The following NCOR2 variants were observed in gnomAD, a reference collection of about 807,000 sequenced individuals.
The protein encoded by NCOR2 is CTG repeat protein 26.
NCOR2 carries 81 observed loss-of-function variants against 262.9 expected under a neutral mutation model. The ratio of observed to expected loss-of-function variants is 0.31; its 90% confidence interval spans 0.26 to 0.37. The LOEUF is 0.37. Ranked by LOEUF, NCOR2 falls within the 10% of genes least tolerant of loss-of-function variation. The probability of loss-of-function intolerance (pLI) is 1.00; values close to 1 mark genes in which losing one functional copy is unlikely to be tolerated. For synonymous variants in NCOR2, 1,659 were observed against 1,559.3 expected (o/e 1.06, Z -1.51); for missense variants, 3,385 against 3,621.4 (o/e 0.93, Z 1.68).
At position 124,548,555 on chromosome 12, in the gene NCOR2, C is replaced by T. The variant is rs2051609940; in HGVS notation, c.-164-12944G>A. On this transcript the variant is annotated intron_variant, in intron 1 of 32. Coordinates refer to the NCOR2 transcript ENST00000458234. This position sits in a 1 kb window ranked among gnomAD's most constrained non-coding sequence, Gnocchi z 5.1. Reference sequence around the variant, plus strand: ...TTATTGATATGAAAACAGAGGGTCTCGATGGCAATGCTGTTCCCCCCCAAA... The same window carrying T: ...TTATTGATATGAAAACAGAGGGTCTTGATGGCAATGCTGTTCCCCCCCAAA... 1.3e-5 allele frequency among the ~76,000 whole-genome samples: 2 copies of T among 152,060 alleles called. No homozygotes were observed. The highest frequency in any genetic ancestry group is 1.3e-4 in the Admixed American group (2 of 15,270).
rs148653132 is a variant in NCOR2, at chr12:124,345,535, G to A, written c.4360-584C>T. 6.5e-3 allele frequency among the ~76,000 whole-genome samples: 995 copies of A among 152,342 alleles called. 10 individuals carry two copies. Among genetic ancestry groups the A allele is most frequent in the African/African-American group, 0.022 (921 of 41,586 alleles). ...CTGCCTCTTTTCAGCAGGCTTCGGA[G>A]ACACTTGATATGGTGGGACTTTAGG... is the stretch of plus-strand genomic sequence containing the variant. On this transcript the variant is annotated intron_variant, in intron 31 of 46. Coordinates refer to ENST00000405201, the Ensembl canonical transcript of NCOR2.
In NCOR2 at chr12:124,340,359, C is replaced by T. The variant is rs565024394; in HGVS notation, c.5423G>A (p.Arg1808Gln). ...CGTGAGGATGGACTTTTCCCGCTCC[C>T]GATCCCGGTCCCGCTCTCGATCCCG... is the stretch of plus-strand genomic sequence containing the variant. Residue 1808 changes from arginine to glutamine, a missense_variant, in exon 36 of 47, where the codon CGG (arginine) becomes CAG (glutamine). Arg to Gln is a conservative substitution (Grantham distance 43, BLOSUM62 1). This residue lies in a region of NCOR2 where 1,615 missense variants were observed against 1,626.9 expected (regional missense o/e 0.99). Coordinates refer to ENST00000405201, the Ensembl canonical transcript of NCOR2. 1.8e-5 allele frequency: 29 copies of T among 1,612,936 alleles called. No homozygotes were observed. The highest frequency in any genetic ancestry group is 1.6e-4 in the Middle Eastern group (1 of 6,062).
chr12:124,324,754 CTGCCTT>C (rs1352068527), exon 47 of NCOR2: 1 of 152,576 alleles, frequency 6.6e-6, no homozygotes, highest in Non-Finnish European at 1.5e-5. Flanking sequence ...TCATTTACAT[CTGCCTT>C]TCCTTCCCAC....
intron 45 of NCOR2, 45 bp from the exon 48 acceptor site, chr12:124,326,415 A>G: frequency 6.9e-7 from 1 of 1,441,432 alleles, no homozygotes; most frequent in Non-Finnish European, 9.1e-7. Context: ...GGCAGTGAAG[A>G]CAGCACCGAC....
At chr12:124,383,830 C>T (rs901214239) in intron 17 of NCOR2, among the ~76,000 whole-genome samples, 3 of 152,356 alleles carry the variant, frequency 2.0e-5, no homozygotes, top group Admixed American at 6.5e-5. Flanking sequence ...GCCTTGACCC[C>T]AGTCTCGCCC....
At chr12:124,402,700 C>T in intron 13 of NCOR2, 139 bp from the exon 16 acceptor site, 2 of 1,463,330 alleles carry the variant, frequency 1.4e-6, no homozygotes, top group Middle Eastern at 2.4e-4. Context: ...AGGTCATAAA[C>T]AACCGGGAAG....
At chr12:124,471,942 T>C (rs187021656) in intron 4 of NCOR2, among the ~76,000 whole-genome samples, 3 of 152,372 alleles carry the variant, frequency 2.0e-5, no homozygotes, top group African/African-American at 7.2e-5. Flanking sequence ...TTGTGATGAC[T>C]TAACTCTGCC....
At chr12:124,388,541 AG>A in intron 16 of NCOR2, 2 of 819,056 alleles carry the variant, frequency 2.4e-6, no homozygotes, top group Non-Finnish European at 3.5e-6. Flanking sequence ...CATGGGGGAA[AG>A]GATGGGCTGG....
At chr12:124,514,332 T>C (rs1430495859) in intron 1 of NCOR2, 1 of 152,162 alleles carries the variant, frequency 6.6e-6, no homozygotes. Flanking sequence ...CTGTGAGCAA[T>C]AAAGTTCTAT....
chr12:124,515,485 CCATAT>C (rs1476005630), intron 1 of NCOR2, among the ~76,000 whole-genome samples: 1 of 152,286 alleles, frequency 6.6e-6, no homozygotes, highest in Non-Finnish European at 1.5e-5. Flanking sequence ...AATTCATCAT[CCATAT>C]CATAACTAGG....
At chr12:124,338,812 A>G (rs1160590774) in intron 37 of NCOR2, among the ~76,000 whole-genome samples, 9 of 151,692 alleles carry the variant, frequency 5.9e-5, no homozygotes, top group Non-Finnish European at 1.2e-4. Flanking sequence ...CCACCGCCCA[A>G]CTCATCGTCC....
chr12:124,391,515 C>A (rs938703028), intron 16 of NCOR2, among the ~76,000 whole-genome samples: 3 of 152,008 alleles, frequency 2.0e-5, no homozygotes, highest in African/African-American at 7.3e-5. Context: ...GGGGGGGGTT[C>A]CACAGGGACG....
intron 11 of NCOR2, among the ~76,000 whole-genome samples, chr12:124,423,681 T>TC (rs968961784): frequency 2.7e-4 from 41 of 151,938 alleles, no homozygotes; most frequent in African/African-American, 9.7e-4. Context: ...TGCAAACCCC[T>TC]CCCACGGGGT....
chr12:124,383,526 TC>T (rs2040565481), intron 17 of NCOR2: 2 of 747,560 alleles, frequency 2.7e-6, no homozygotes, highest in Admixed American at 4.9e-5. Context: ...AATAAAACCT[TC>T]CAACTCAAAA....
At chr12:124,525,755 A>G (rs1377693748) in intron 1 of NCOR2, among the ~76,000 whole-genome samples, 4 of 152,204 alleles carry the variant, frequency 2.6e-5, no homozygotes, top group Non-Finnish European at 5.9e-5. Context: ...CACCATCCAC[A>G]CGATGAAAAG....
At chr12:124,335,758 G>T in intron 38 of NCOR2, 126 bp from the exon 41 acceptor site, 1 of 1,120,802 alleles carries the variant, frequency 8.9e-7, no homozygotes, top group Non-Finnish European at 1.2e-6. Flanking sequence ...TAGGGGTAGG[G>T]TTTGGGCTCC....
intron 6 of NCOR2, among the ~76,000 whole-genome samples, chr12:124,450,484 C>T (rs1373770279): frequency 1.3e-5 from 2 of 152,178 alleles, no homozygotes; most frequent in Admixed American, 6.5e-5. Flanking sequence ...CTGTGCTCCA[C>T]CAGGAGACGG....
intron 8 of NCOR2, among the ~76,000 whole-genome samples, chr12:124,434,980 G>A (rs544263299): frequency 1.9e-4 from 29 of 152,300 alleles, no homozygotes; most frequent in African/African-American, 7.0e-4. Flanking sequence ...TAAATTCGGT[G>A]TCCCACTGCA....
intron 14 of NCOR2, 90 bp from the exon 17 acceptor site, chr12:124,400,763 G>T: frequency 2.7e-6 from 4 of 1,494,822 alleles, no homozygotes; most frequent in Non-Finnish European, 3.7e-6. Context: ...AGCTGGATTT[G>T]CACTGGCTGC....
Sources: gnomAD v4.1 joint callset for allele counts (sites outside exome capture counted in the v4.1 genomes callset) on GRCh38, gnomAD v4.1.1 for gene constraint, gnomAD v4.1.1 regional missense constraint, Gnocchi (gnomAD v3.1) non-coding constraint, MANE v1.5 for transcripts, NCBI Gene and HGNC (gene_info 2026-07-23, HGNC 2026-07-21) for gene names.